Variants in PDE8B observed in about 807,000 individuals in gnomAD.
PDE8B encodes high affinity cAMP-specific and IBMX-insensitive 3',5'-cyclic phosphodiesterase 8B.
PDE8B carries 26 observed loss-of-function variants against 101.3 expected under a neutral mutation model. That is an observed-to-expected ratio of 0.26 (90% CI 0.19 to 0.36). The LOEUF (loss-of-function observed/expected upper bound fraction) is 0.36. Among genes scored for constraint, PDE8B ranks in the 10% least tolerant of loss-of-function variants. PDE8B has a pLI of 1.00. For synonymous variants in PDE8B, 424 were observed against 429.3 expected, an observed-to-expected ratio of 0.99 and a Z score of 0.15; for missense variants, 810 against 1,163.1, an observed-to-expected ratio of 0.70 and a Z score of 4.42.
At chr5:77,253,309 C>T (rs568445324) in intron 1 of PDE8B, among the ~76,000 whole-genome samples, 1 of 152,124 alleles carries the variant, frequency 6.6e-6, no homozygotes, top group African/African-American at 2.4e-5. Flanking sequence ...CCTGGAGACA[C>T]CTAATGATTA....
the PDE8B span, among the ~76,000 whole-genome samples, chr5:77,165,940 G>T: frequency 6.9e-6 from 1 of 145,570 alleles, no homozygotes; most frequent in African/African-American, 2.5e-5. Flanking sequence ...GGAAGCAGAG[G>T]TTGCAGTGAG....
intron 10 of PDE8B, among the ~76,000 whole-genome samples, chr5:77,361,142 T>C (rs1783026148): frequency 6.6e-6 from 1 of 152,238 alleles, no homozygotes; most frequent in African/African-American, 2.4e-5. Flanking sequence ...ATCTGTATTA[T>C]GGAAATGCCA....
the PDE8B span, among the ~76,000 whole-genome samples, chr5:77,143,413 C>G: frequency 6.6e-6 from 1 of 152,174 alleles, no homozygotes; most frequent in East Asian, 1.9e-4. Flanking sequence ...CCAGGGATTT[C>G]TTACATGTGT....
At chr5:77,332,817 A>G (rs1365773174) in intron 5 of PDE8B, among the ~76,000 whole-genome samples, 1 of 149,088 alleles carries the variant, frequency 6.7e-6, no homozygotes, top group Non-Finnish European at 1.5e-5. Context: ...AGCCTGGACA[A>G]GAAGAGTAAA....
intron 17 of PDE8B, among the ~76,000 whole-genome samples, chr5:77,414,864 C>G (rs1295487397): frequency 6.6e-6 from 1 of 152,120 alleles, no homozygotes; most frequent in Non-Finnish European, 1.5e-5. Context: ...AGAGGTGAAC[C>G]TCACTCAAGC....
chr5:77,272,215 A>C (rs369783999), intron 1 of PDE8B, among the ~76,000 whole-genome samples: 20 of 152,174 alleles, frequency 1.3e-4, no homozygotes, highest in African/African-American at 4.8e-4. Flanking sequence ...ATGTATTAAG[A>C]GAGAGCTTCT....
the PDE8B span, among the ~76,000 whole-genome samples, chr5:77,163,257 T>C: frequency 1.4e-4 from 21 of 152,304 alleles, no homozygotes; most frequent in African/African-American, 5.1e-4. Flanking sequence ...TGCATGGTAA[T>C]CCCTGCCCTC....
chr5:77,182,483 A>G, the PDE8B span, among the ~76,000 whole-genome samples: 2 of 152,114 alleles, frequency 1.3e-5, no homozygotes, highest in African/African-American at 4.8e-5. Context: ...TGTGCATTTG[A>G]AAGATTCCAG....
intron 4 of PDE8B, among the ~76,000 whole-genome samples, chr5:77,329,657 A>C (rs993067446): frequency 2.0e-5 from 3 of 152,208 alleles, no homozygotes; most frequent in African/African-American, 7.2e-5. Flanking sequence ...GCCAGCACTT[A>C]AAATAAAAGA....
At chr5:77,090,754 T>C in the PDE8B span, among the ~76,000 whole-genome samples, 3 of 150,528 alleles carry the variant, frequency 2.0e-5, no homozygotes, top group African/African-American at 4.9e-5. Context: ...ATAATATCCG[T>C]GTGTGTGTGT....
At chr5:77,373,410 A>ATGTATGTTGTATGTGG (rs1785437499) in intron 10 of PDE8B, among the ~76,000 whole-genome samples, 1 of 152,222 alleles carries the variant, frequency 6.6e-6, no homozygotes, top group Non-Finnish European at 1.5e-5. Flanking sequence ...GTACACACCC[A>ATGTATGTTGTATGTGG]TGAAGCCATC....
chr5:77,247,936 G>T, intron 1 of PDE8B, among the ~76,000 whole-genome samples: 1 of 152,138 alleles, frequency 6.6e-6, no homozygotes, highest in Non-Finnish European at 1.5e-5. Flanking sequence ...GGGGATCCAT[G>T]CAGGAAGGTC....
intron 1 of PDE8B, among the ~76,000 whole-genome samples, chr5:77,298,006 G>T (rs925634192): frequency 6.6e-6 from 1 of 152,146 alleles, no homozygotes; most frequent in Non-Finnish European, 1.5e-5. Context: ...TTTTGAAGGC[G>T]TGAACACTCA....
chr5:77,096,363 T>C, the PDE8B span, among the ~76,000 whole-genome samples: 1 of 152,184 alleles, frequency 6.6e-6, no homozygotes, highest in Admixed American at 6.5e-5. Flanking sequence ...CTGGTGGTGG[T>C]TGGCTGTCTT....
the PDE8B span, among the ~76,000 whole-genome samples, chr5:77,192,000 C>T: frequency 2.6e-5 from 4 of 152,068 alleles, no homozygotes; most frequent in South Asian, 4.1e-4. Context: ...CAGTAGGGTT[C>T]GCACTTCTAT....
chr5:77,319,522 A>G (rs1395546791), intron 2 of PDE8B, among the ~76,000 whole-genome samples: 1 of 152,242 alleles, frequency 6.6e-6, no homozygotes, highest in Non-Finnish European at 1.5e-5. Flanking sequence ...AAGAGATGCA[A>G]AATGATAATG....
At chr5:77,305,980 T>C (rs1265724006) in intron 1 of PDE8B, among the ~76,000 whole-genome samples, 2 of 152,104 alleles carry the variant, frequency 1.3e-5, no homozygotes, top group East Asian at 1.9e-4. Context: ...GGAGAAGTCA[T>C]TGAAGTGGGG....
intron 18 of PDE8B, among the ~76,000 whole-genome samples, chr5:77,419,462 T>C (rs925568173): frequency 6.6e-6 from 1 of 152,200 alleles, no homozygotes; most frequent in African/African-American, 2.4e-5. Context: ...ACTGTTTTGA[T>C]GTTCTCAAGG....
intron 10 of PDE8B, among the ~76,000 whole-genome samples, chr5:77,365,071 A>G (rs933425161): frequency 3.0e-4 from 45 of 152,204 alleles, no homozygotes; most frequent in Non-Finnish European, 2.4e-4. Flanking sequence ...GAACGTTCAC[A>G]TCTACCCACT....
Sources: allele counts gnomAD v4.1 joint callset (sites outside exome capture counted in the v4.1 genomes callset), GRCh38; gene constraint gnomAD v4.1.1; transcripts MANE v1.5; gene names NCBI Gene and HGNC (gene_info 2026-07-23, HGNC 2026-07-21).